WDR44: variants seen among roughly 807,000 people sequenced by gnomAD.
WDR44 encodes the protein WD repeat domain 44, also known as WD repeat-containing protein 44.
In WDR44, 9 loss-of-function variants were observed where a neutral mutation model predicts 65.7. That is an observed-to-expected ratio of 0.14 (90% confidence interval 0.08 to 0.24). The LOEUF is 0.24. Ranked by LOEUF, WDR44 falls within the 10% of genes least tolerant of loss-of-function variation. WDR44 has a pLI of 1.00. For synonymous variants in WDR44, 220 were observed against 235.2 expected, an observed-to-expected ratio of 0.94 and a Z score of 0.59; for missense variants, 425 against 670.9, an observed-to-expected ratio of 0.63 and a Z score of 4.05.
intron 6 of WDR44, among the ~76,000 whole-genome samples, chrX:118,396,556 C>T (rs940515347): frequency 5.4e-5 from 6 of 111,496 alleles, no homozygotes; most frequent in Non-Finnish European, 7.5e-5. Flanking sequence ...TTAAAGAAAC[C>T]GACATAAAAC....
At chrX:118,398,835 G>A (rs1037184175) in intron 8 of WDR44, among the ~76,000 whole-genome samples, 2 of 111,325 alleles carry the variant, frequency 1.8e-5, no homozygotes, top group African/African-American at 6.5e-5. Flanking sequence ...GCTGAGGCAG[G>A]AGAATCACTT....
chrX:118,422,051 A>T (rs2057109082), intron 12 of WDR44, among the ~76,000 whole-genome samples: 1 of 111,521 alleles, frequency 9.0e-6, no homozygotes, highest in Non-Finnish European at 1.9e-5. Context: ...AATGTGCATG[A>T]CTAGGGAACA....
In WDR44 at chrX:118,449,642, A is replaced by G. The variant is rs905278928; in HGVS notation, c.*655A>G. ...TGGAGCACAATGTTTCTATGTAAAG[A>G]ATTATTTTCATTCTTTATCCATGAG... On this transcript the variant is annotated 3_prime_UTR_variant, in exon 20 of 20. Transcript: ENST00000254029. 1 of 110,759 alleles carries G rather than the reference A, an allele frequency of 9.0e-6. No individual in the cohort carries two copies. The highest frequency in any genetic ancestry group is 3.3e-5 in the African/African-American group (1 of 30,438). The allele number at this position is 110,759 out of a possible 1,213,427, so 9.1% of individuals were successfully genotyped here.
chrX:118,350,518 G>A (rs191776873), intron 1 of WDR44, among the ~76,000 whole-genome samples: 157 of 111,926 alleles, frequency 1.4e-3, no homozygotes, highest in African/African-American at 4.9e-3. Context: ...AGGTTTAATA[G>A]TGTGCTTGTA....
At chrX:118,400,298 A>G (rs761445163) in intron 8 of WDR44, among the ~76,000 whole-genome samples, 448 of 111,228 alleles carry the variant, frequency 4.0e-3, no homozygotes, top group South Asian at 0.016. Context: ...TGGGGAACCA[A>G]TAGTATGGCC....
In WDR44 at chrX:118,370,390, A is replaced by C. The variant is rs150279842; in HGVS notation, c.78-8029A>C. Among the ~76,000 whole-genome samples, 340 of 110,152 alleles carry C rather than the reference A, an allele frequency of 3.1e-3. 1 individual carries two copies. The highest frequency in any genetic ancestry group is 0.011 in the African/African-American group (326 of 30,277). The stretch of plus-strand genomic sequence containing the variant: ...CTTGGTGCTGTCCTCACGATGAATG[A>C]CTTCTTGGCCTGAGTTCACGCAAGA... On this transcript the variant is annotated intron_variant, in intron 1 of 19. Coordinates refer to ENST00000254029, the MANE Select transcript of WDR44 (RefSeq NM_019045.5).
chrX:118,367,667 C>T (rs1264360956), intron 1 of WDR44, among the ~76,000 whole-genome samples: 1 of 111,489 alleles, frequency 9.0e-6, no homozygotes, highest in Admixed American at 9.6e-5. Flanking sequence ...GTTTTGTTCA[C>T]TACTTTATAC....
intron 9 of WDR44, among the ~76,000 whole-genome samples, chrX:118,404,826 G>A (rs1381173195): frequency 1.8e-4 from 19 of 108,334 alleles, no homozygotes; most frequent in African/African-American, 6.1e-4. Context: ...TCAGCCTCCC[G>A]AGTAGCTGGG....
chrX:118,361,419 T>C (rs2056510809), intron 1 of WDR44, among the ~76,000 whole-genome samples: 1 of 111,819 alleles, frequency 8.9e-6, no homozygotes, highest in East Asian at 2.8e-4. Context: ...TCTGGCTCTT[T>C]GAAACCACAG....
chrX:118,443,450 C>A (rs963944428), intron 17 of WDR44, 110 bp from the exon 18 acceptor site: 12 of 935,846 alleles, frequency 1.3e-5, no homozygotes, highest in Non-Finnish European at 1.8e-5. Flanking sequence ...TCAACAAGAC[C>A]CTTCAAGTGT....
chrX:118,439,346 C>T (rs994482483), intron 14 of WDR44, among the ~76,000 whole-genome samples: 9 of 108,166 alleles, frequency 8.3e-5, no homozygotes, highest in Non-Finnish European at 1.5e-4. Flanking sequence ...GAGGCCGAGG[C>T]GGGTGGATCA....
intron 2 of WDR44, among the ~76,000 whole-genome samples, chrX:118,378,851 T>C (rs1396781285): frequency 3.0e-5 from 3 of 98,950 alleles, no homozygotes; most frequent in Non-Finnish European, 6.0e-5. Context: ...CTGGCCAACA[T>C]GGTGAAACCC....
At chrX:118,397,240 AATGT>A (rs2056873157) in intron 7 of WDR44, 134 bp downstream of exon 7, 1 of 505,226 alleles carries the variant, frequency 2.0e-6, no homozygotes, top group African/African-American at 2.5e-5. Context: ...AGAGTTAGAT[AATGT>A]ATGTATTCTT....
At chrX:118,386,247 C>T in intron 2 of WDR44, 1 of 254,435 alleles carries the variant, frequency 3.9e-6, no homozygotes, top group Non-Finnish European at 7.6e-6. Context: ...GTTTTTTTTC[C>T]TCAGTATCAA....
At chrX:118,429,026 G>A (rs977263335) in intron 12 of WDR44, among the ~76,000 whole-genome samples, 11 of 110,287 alleles carry the variant, frequency 1.0e-4, no homozygotes, top group Admixed American at 2.9e-4. Flanking sequence ...CACAGGGAGG[G>A]GAACAACACA....
At chrX:118,415,083 C>T (rs1475982627) in intron 12 of WDR44, among the ~76,000 whole-genome samples, 1 of 111,838 alleles carries the variant, frequency 8.9e-6, no homozygotes, top group African/African-American at 3.3e-5. Flanking sequence ...GAGTTTTAAT[C>T]ATAAAGGATG....
rs761091650 is a variant in WDR44, at chrX:118,354,635, C to T, written c.77+8055C>T. 1.3e-4 allele frequency among the ~76,000 whole-genome samples: 14 copies of T among 110,370 alleles called. No individual in the cohort carries two copies. The East Asian group carries it at 2.8e-3, about 22-fold the overall frequency. ...TTGAATGGTATTTTTTTTTATTATACTTTAAGTTCTGGGGTACATGTGCAG... is the reference window on the plus strand; with the variant it reads ...TTGAATGGTATTTTTTTTTATTATATTTTAAGTTCTGGGGTACATGTGCAG... On this transcript the variant is annotated intron_variant, in intron 1 of 19. Transcript: ENST00000254029.
intron 12 of WDR44, among the ~76,000 whole-genome samples, chrX:118,424,325 A>ATATATATATATATATATATATG (rs1569379469): frequency 4.5e-4 from 28 of 62,449 alleles, no homozygotes; most frequent in Non-Finnish European, 7.1e-4. Context: ...GTGTGTGTGT[A>ATATATATATATATATATATATG]TATATATATA....
At chrX:118,392,199 G>A (rs759875070) in intron 3 of WDR44, among the ~76,000 whole-genome samples, 1 of 111,757 alleles carries the variant, frequency 8.9e-6, no homozygotes, top group Non-Finnish European at 1.9e-5. Context: ...TGGTTAAGTA[G>A]GCTCAAACCA....
Sources: allele counts gnomAD v4.1 joint callset (sites outside exome capture counted in the v4.1 genomes callset), GRCh38; gene constraint gnomAD v4.1.1; transcripts MANE v1.5; gene names NCBI Gene and HGNC (gene_info 2026-07-23, HGNC 2026-07-21).